NOS1AP: variants seen among roughly 807,000 people sequenced by gnomAD.
NOS1AP encodes the protein carboxyl-terminal PDZ ligand of neuronal nitric oxide synthase protein.
A neutral mutation model predicts 56.2 loss-of-function variants in NOS1AP; 21 were observed. The ratio of observed to expected loss-of-function variants is 0.37; its 90% CI spans 0.26 to 0.54. The LOEUF is 0.54. NOS1AP is among the 20% of genes least tolerant of loss of function. NOS1AP has a pLI of 0.84. For missense variants in NOS1AP, 522 were observed against 657.8 expected (o/e 0.79, Z 2.26); for synonymous variants, 270 against 274.6 (o/e 0.98, Z 0.17).
chr1:162,154,048 T>A (rs547673919), intron 1 of NOS1AP, among the ~76,000 whole-genome samples: 2 of 151,898 alleles, frequency 1.3e-5, no homozygotes, highest in African/African-American at 4.8e-5. Flanking sequence ...TGATCTTTAC[T>A]GAGAGCCAAT....
At chr1:162,078,622 C>T (rs1164555378) in intron 1 of NOS1AP, among the ~76,000 whole-genome samples, 1 of 149,648 alleles carries the variant, frequency 6.7e-6, no homozygotes, top group Non-Finnish European at 1.5e-5. Context: ...TGATCCCCCT[C>T]ATCCCTTAAA....
chr1:162,282,972 A>T (rs1571188356), intron 2 of NOS1AP, among the ~76,000 whole-genome samples: 1 of 152,092 alleles, frequency 6.6e-6, no homozygotes, highest in Non-Finnish European at 1.5e-5. Context: ...AATGAGGGAG[A>T]CCTGCTTCCT....
At chr1:162,361,270 C>G (rs1657895705) in intron 8 of NOS1AP, among the ~76,000 whole-genome samples, 1 of 133,924 alleles carries the variant, frequency 7.5e-6, no homozygotes, top group South Asian at 2.5e-4. Flanking sequence ...GAAAAGCATG[C>G]TAAATACAAA....
intron 2 of NOS1AP, among the ~76,000 whole-genome samples, chr1:162,280,184 A>G (rs1654871172): frequency 1.3e-5 from 2 of 152,202 alleles, no homozygotes; most frequent in African/African-American, 4.8e-5. Flanking sequence ...TTCAGATGTA[A>G]AAAATGTATG....
chr1:162,329,974 T>C (rs1656712350), intron 4 of NOS1AP, among the ~76,000 whole-genome samples: 1 of 152,256 alleles, frequency 6.6e-6, no homozygotes, highest in African/African-American at 2.4e-5. Context: ...ACAGTTCTCA[T>C]CAGATTTTCT....
intron 1 of NOS1AP, among the ~76,000 whole-genome samples, chr1:162,089,961 C>G (rs1398448788): frequency 6.6e-6 from 1 of 152,210 alleles, no homozygotes; most frequent in East Asian, 1.9e-4. Flanking sequence ...CCCTAGTTAA[C>G]TAATACAATC....
At chr1:162,313,985 A>C (rs761308986) in intron 4 of NOS1AP, among the ~76,000 whole-genome samples, 2 of 152,186 alleles carry the variant, frequency 1.3e-5, no homozygotes, top group Non-Finnish European at 2.9e-5. Flanking sequence ...GTTGCATCCC[A>C]AGTGCCTAGA....
intron 6 of NOS1AP, among the ~76,000 whole-genome samples, chr1:162,350,268 C>T (rs1170492020): frequency 2.0e-5 from 3 of 152,246 alleles, no homozygotes; most frequent in Non-Finnish European, 1.5e-5. Context: ...GCTGTCTTGT[C>T]ATGTCTTTTC....
intron 2 of NOS1AP, among the ~76,000 whole-genome samples, chr1:162,203,986 C>T (rs1301509768): frequency 6.6e-6 from 1 of 152,204 alleles, no homozygotes; most frequent in African/African-American, 2.4e-5. Context: ...CCCCTTCAGC[C>T]TAGGCTTAGA....
intron 2 of NOS1AP, among the ~76,000 whole-genome samples, chr1:162,229,087 A>G (rs1298765930): frequency 6.6e-6 from 1 of 152,222 alleles, no homozygotes; most frequent in African/African-American, 2.4e-5. Context: ...TCAATGTGGA[A>G]GTTGGGATGA....
intron 4 of NOS1AP, among the ~76,000 whole-genome samples, chr1:162,319,863 A>G (rs560722682): frequency 9.7e-4 from 148 of 151,970 alleles, no homozygotes; most frequent in African/African-American, 3.4e-3. Context: ...AACTCTCTTC[A>G]GCCTACTCAC....
intron 6 of NOS1AP, among the ~76,000 whole-genome samples, chr1:162,344,708 CA>C (rs60286000): frequency 5.8e-4 from 78 of 135,168 alleles, no homozygotes; most frequent in Middle Eastern, 4.4e-3. Flanking sequence ...TAGGCTGCCT[CA>C]AAAAAAAAAA....
At chr1:162,212,056 G>T (rs1427905591) in intron 2 of NOS1AP, among the ~76,000 whole-genome samples, 6 of 152,212 alleles carry the variant, frequency 3.9e-5, no homozygotes, top group African/African-American at 1.4e-4. Flanking sequence ...AGCTGGGGAA[G>T]GACCAGGCAG....
intron 2 of NOS1AP, among the ~76,000 whole-genome samples, chr1:162,265,589 T>G (rs114827788): frequency 2.3e-4 from 35 of 152,154 alleles, no homozygotes; most frequent in Non-Finnish European, 4.1e-4. Context: ...ATAGTATTCT[T>G]TATGAGAATA....
chr1:162,279,301 T>G (rs931196156), intron 2 of NOS1AP, among the ~76,000 whole-genome samples: 2 of 152,152 alleles, frequency 1.3e-5, no homozygotes, highest in African/African-American at 2.4e-5. Context: ...CTATCTCGTC[T>G]CCTCTCTACA....
intron 1 of NOS1AP, among the ~76,000 whole-genome samples, chr1:162,073,067 G>A (rs554129218): frequency 2.6e-5 from 4 of 152,200 alleles, no homozygotes; most frequent in Non-Finnish European, 5.9e-5. Context: ...GGTTAGGATC[G>A]AAGGGCATCT....
At chr1:162,361,941 C>T (rs561669692) in intron 8 of NOS1AP, among the ~76,000 whole-genome samples, 1 of 152,284 alleles carries the variant, frequency 6.6e-6, no homozygotes, top group Admixed American at 6.5e-5. Flanking sequence ...AACAAATTGC[C>T]TCCAGTACTG....
At chr1:162,156,823 A>T (rs79435625) in intron 2 of NOS1AP, among the ~76,000 whole-genome samples, 3,439 of 152,214 alleles carry the variant, frequency 0.023, 148 homozygotes, top group African/African-American at 0.078. Flanking sequence ...CATTTTATAG[A>T]TGAGGAAATA....
chr1:162,153,268 ACAGGCATGTGC>A (rs1165934570), intron 1 of NOS1AP, among the ~76,000 whole-genome samples: 1 of 152,216 alleles, frequency 6.6e-6, no homozygotes, highest in Non-Finnish European at 1.5e-5. Flanking sequence ...AGCTGGAATT[ACAGGCATGTGC>A]CACCACACCC....
Sources: allele counts gnomAD v4.1 joint callset (sites outside exome capture counted in the v4.1 genomes callset), GRCh38; gene constraint gnomAD v4.1.1; transcripts MANE v1.5; gene names NCBI Gene and HGNC (gene_info 2026-07-23, HGNC 2026-07-21).